Variants in DISC1 observed in about 807,000 individuals in gnomAD.
DISC1 encodes the protein DISC1 scaffold protein, also known as disrupted in schizophrenia 1 protein.
A neutral mutation model predicts 84.5 loss-of-function variants in DISC1; 57 were observed. That is an observed-to-expected ratio of 0.67 (90% CI 0.55 to 0.84). The LOEUF (loss-of-function observed/expected upper bound fraction) is 0.84. Among genes scored for constraint, DISC1 ranks in the 40% least tolerant of loss-of-function variants. The probability of loss-of-function intolerance (pLI) is 0.00; values close to 1 mark genes in which losing one functional copy is unlikely to be tolerated. For synonymous variants in DISC1, 411 were observed against 415.2 expected (o/e 0.99, Z 0.12); for missense variants, 1,000 against 1,057.8 (o/e 0.95, Z 0.76).
chr1:231,865,498 G>T (rs985264882), intron 9 of DISC1, among the ~76,000 whole-genome samples: 3 of 152,162 alleles, frequency 2.0e-5, no homozygotes, highest in African/African-American at 7.2e-5. Flanking sequence ...ATAATCTTTA[G>T]CCTAATAAAC....
intron 4 of DISC1, among the ~76,000 whole-genome samples, chr1:231,756,653 C>T (rs1205783412): frequency 6.6e-6 from 1 of 152,044 alleles, no homozygotes; most frequent in Non-Finnish European, 1.5e-5. Context: ...AGGAGTTGCA[C>T]AGAATCTTGA....
chr1:231,782,856 C>A (rs911795964), intron 6 of DISC1, among the ~76,000 whole-genome samples: 2 of 152,046 alleles, frequency 1.3e-5, no homozygotes, highest in South Asian at 4.1e-4. Flanking sequence ...GTGGGAGAGT[C>A]ACTTGAACAT....
chr1:232,026,656 C>T, intron 12 of DISC1, 104 bp downstream of exon 12: 1 of 776,638 alleles, frequency 1.3e-6, no homozygotes, highest in Non-Finnish European at 2.2e-6. Context: ...CAAATAGATG[C>T]TGCCGTTATT....
At chr1:231,753,226 G>C (rs2074796651) in intron 4 of DISC1, among the ~76,000 whole-genome samples, 1 of 152,238 alleles carries the variant, frequency 6.6e-6, no homozygotes, top group African/African-American at 2.4e-5. Context: ...GGTTCTCCAT[G>C]AGGGGTCCTG....
intron 3 of DISC1, among the ~76,000 whole-genome samples, chr1:231,716,309 C>G (rs1239617609): frequency 9.8e-5 from 7 of 71,794 alleles, no homozygotes; most frequent in South Asian, 4.8e-4. Flanking sequence ...TGATTTCTTT[C>G]AATCTGCAAA....
At chr1:231,834,430 C>T (rs1029819771) in intron 9 of DISC1, among the ~76,000 whole-genome samples, 4 of 151,922 alleles carry the variant, frequency 2.6e-5, no homozygotes, top group African/African-American at 4.8e-5. Flanking sequence ...AGGGAGGGAC[C>T]GATGTGTAAA....
chr1:231,725,846 G>C (rs1298276856), intron 3 of DISC1, among the ~76,000 whole-genome samples: 1 of 152,128 alleles, frequency 6.6e-6, no homozygotes, highest in Non-Finnish European at 1.5e-5. Flanking sequence ...ACACTGGCTG[G>C]TCTCGGGGGT....
chr1:231,667,779 T>A (rs1324323822), intron 1 of DISC1, among the ~76,000 whole-genome samples: 1 of 152,212 alleles, frequency 6.6e-6, no homozygotes, highest in Non-Finnish European at 1.5e-5. Flanking sequence ...GCTTTGTAAC[T>A]TGTAGGACAT....
intron 9 of DISC1, among the ~76,000 whole-genome samples, chr1:231,845,886 G>C (rs2083416746): frequency 1.3e-5 from 2 of 152,132 alleles, no homozygotes; most frequent in Non-Finnish European, 2.9e-5. Context: ...AGTGAGGTGG[G>C]ATGGTGAGAC....
intron 9 of DISC1, among the ~76,000 whole-genome samples, chr1:231,832,836 A>G (rs2082340712): frequency 6.7e-6 from 1 of 148,584 alleles, no homozygotes; most frequent in African/African-American, 2.5e-5. Flanking sequence ...GTCTGGTTCT[A>G]GGACAGGTAA....
intron 9 of DISC1, among the ~76,000 whole-genome samples, chr1:231,931,822 A>C (rs1459485005): frequency 1.3e-5 from 2 of 151,978 alleles, no homozygotes; most frequent in East Asian, 3.9e-4. Context: ...TAATTAAAAA[A>C]AATTTTTTTT....
intron 4 of DISC1, among the ~76,000 whole-genome samples, chr1:231,765,487 A>G (rs2125425348): frequency 6.6e-6 from 1 of 152,274 alleles, no homozygotes; most frequent in African/African-American, 2.4e-5. Context: ...CCATATGTGT[A>G]GCAATATATT....
At chr1:231,772,946 C>G (rs145127265) in intron 6 of DISC1, among the ~76,000 whole-genome samples, 2 of 152,132 alleles carry the variant, frequency 1.3e-5, no homozygotes, top group Non-Finnish European at 2.9e-5. Flanking sequence ...CCAAATGAAA[C>G]GGGTCCCTTG....
At chr1:231,841,300 C>T (rs2083042383) in intron 9 of DISC1, among the ~76,000 whole-genome samples, 1 of 152,200 alleles carries the variant, frequency 6.6e-6, no homozygotes, top group African/African-American at 2.4e-5. Flanking sequence ...ATTGACTAAG[C>T]AGAGGCTTTG....
intron 9 of DISC1, among the ~76,000 whole-genome samples, chr1:231,851,041 G>A (rs2083859530): frequency 1.3e-5 from 2 of 152,180 alleles, no homozygotes; most frequent in South Asian, 4.1e-4. Flanking sequence ...GCCTGGAGAG[G>A]TCGGTATGCC....
At chr1:231,862,495 C>A (rs376710875) in intron 9 of DISC1, among the ~76,000 whole-genome samples, 62 of 152,224 alleles carry the variant, frequency 4.1e-4, no homozygotes, top group African/African-American at 1.5e-3. Context: ...TTTTTTTCTT[C>A]TGGTTTTCAG....
At chr1:231,890,961 C>T (rs1010722154) in intron 9 of DISC1, among the ~76,000 whole-genome samples, 3 of 152,194 alleles carry the variant, frequency 2.0e-5, no homozygotes, top group Admixed American at 1.3e-4. Flanking sequence ...TGGGAATAAG[C>T]GTGGCACATG....
intron 1 of DISC1, among the ~76,000 whole-genome samples, chr1:231,680,932 G>A (rs541460292): frequency 1.6e-4 from 25 of 152,300 alleles, no homozygotes; most frequent in African/African-American, 5.8e-4. Context: ...GGGTGGATAC[G>A]AGAGTTTGCA....
At chr1:231,888,767 T>C (rs1574418906) in intron 9 of DISC1, among the ~76,000 whole-genome samples, 1 of 140,236 alleles carries the variant, frequency 7.1e-6, no homozygotes, top group Non-Finnish European at 1.5e-5. Flanking sequence ...AAAAAGAGTG[T>C]CCACCCCAGT....
Sources: allele counts gnomAD v4.1 joint callset (sites outside exome capture counted in the v4.1 genomes callset), GRCh38; gene constraint gnomAD v4.1.1; transcripts MANE v1.5; gene names NCBI Gene and HGNC (gene_info 2026-07-23, HGNC 2026-07-21).